The following SLC26A8 variants were observed in gnomAD, a reference collection of about 807,000 sequenced individuals.
SLC26A8 encodes testis anion transporter 1.
Under a neutral mutation model 105.0 loss-of-function variants are expected in SLC26A8, and 70 were observed. The observed-to-expected ratio is 0.67, with a 90% confidence interval of 0.55 to 0.81. The LOEUF is 0.81. Among genes scored for constraint, SLC26A8 ranks in the 40% least tolerant of loss-of-function variants. The pLI is 0.00. For missense variants in SLC26A8, 998 were observed against 1,181.8 expected, an observed-to-expected ratio of 0.84 and a Z score of 2.28; for synonymous variants, 415 against 438.3, an observed-to-expected ratio of 0.95 and a Z score of 0.66.
At chr6:36,004,448 T>G (rs1048069253) in intron 3 of SLC26A8, among the ~76,000 whole-genome samples, 6 of 152,180 alleles carry the variant, frequency 3.9e-5, no homozygotes, top group Admixed American at 1.3e-4. Flanking sequence ...TTGTTTTTCT[T>G]TTTTTATGCC....
chr6:36,003,281 A>G (rs1761579074), intron 3 of SLC26A8, among the ~76,000 whole-genome samples: 1 of 152,176 alleles, frequency 6.6e-6, no homozygotes, highest in East Asian at 1.9e-4. Flanking sequence ...TAGAGACCCA[A>G]GTGTTTTACA....
chr6:35,965,881 C>A (rs1463919081), intron 11 of SLC26A8, among the ~76,000 whole-genome samples: 1 of 150,924 alleles, frequency 6.6e-6, no homozygotes, highest in Non-Finnish European at 1.5e-5. Flanking sequence ...ATCCCAGCTA[C>A]TCAGGAGGCT....
At chr6:36,023,257 G>A (rs887191274) in intron 1 of SLC26A8, among the ~76,000 whole-genome samples, 3 of 151,614 alleles carry the variant, frequency 2.0e-5, no homozygotes, top group African/African-American at 7.3e-5. Context: ...TAAAAGTAAA[G>A]AATAGGCCAG....
chr6:35,989,078 G>A (rs1773648752), intron 7 of SLC26A8, among the ~76,000 whole-genome samples: 1 of 151,968 alleles, frequency 6.6e-6, no homozygotes, highest in Non-Finnish European at 1.5e-5. Flanking sequence ...CTAACCTCGT[G>A]ATCCACCCAC....
At chr6:36,008,212 T>G (rs1761749142) in intron 3 of SLC26A8, among the ~76,000 whole-genome samples, 1 of 151,824 alleles carries the variant, frequency 6.6e-6, no homozygotes, top group Non-Finnish European at 1.5e-5. Flanking sequence ...AGAGGATGCT[T>G]GAGGCCAGGA....
In SLC26A8 at chr6:35,960,843, CT is replaced by C. The variant is rs1772279909; in HGVS notation, c.1637del (p.Glu546GlyfsTer8). 1 of 1,613,968 alleles carries C rather than the reference CT, an allele frequency of 6.2e-7. No homozygotes were observed. Among genetic ancestry groups the C allele is most frequent in the African/African-American group, 1.3e-5 (1 of 74,922 alleles). ...NIYRSINDYREIITIPGVKIF... is the reference protein window; with the variant it reads ...NIYRSINDYRXIITIPGVKIF... ...AAATGGGACCCATTTGGATTCTTAC[CT>C]CCCGATAATCATTGATGCTTCTATA... On this transcript the variant is annotated frameshift_variant and splice_region_variant, in exon 14 of 20. Coordinates refer to ENST00000490799, the MANE Select transcript of SLC26A8 (RefSeq NM_052961.4). LOFTEE classifies it high-confidence loss of function.
At chr6:36,019,739 G>T in intron 1 of SLC26A8, 30 bp from the exon 2 acceptor site, 2 of 1,567,698 alleles carry the variant, frequency 1.3e-6, no homozygotes, top group South Asian at 2.4e-5. Context: ...GCAAATAAAA[G>T]AGCATTTTCA....
rs1189110360 is a variant in SLC26A8, at chr6:35,984,304, TTTC to T, written c.943-2104_943-2102del. Among the ~76,000 whole-genome samples the T allele has an allele frequency of 1.4e-3, 199 of 144,476 alleles. 4 individuals are homozygous for T. The highest frequency in any genetic ancestry group is 8.8e-3 in the Admixed American group (116 of 13,164). The allele number at this position is 144,476 out of a possible 152,430, so 94.8% of individuals were successfully genotyped here. ...AAGGAATATATTCTTCTTTTCTTTC[TTTC>T]TTCTTCTTCTTATTTTTTTTTTTTT... On this transcript the variant is annotated intron_variant, in intron 7 of 19. Coordinates refer to ENST00000490799, the MANE Select transcript of SLC26A8 (RefSeq NM_052961.4).
intron 4 of SLC26A8, among the ~76,000 whole-genome samples, chr6:35,998,839 G>A (rs1562060438): frequency 6.6e-6 from 1 of 152,136 alleles, no homozygotes; most frequent in Non-Finnish European, 1.5e-5. Context: ...GTGTTCAAAT[G>A]TAAAATCAAC....
At chr6:36,007,800 AAC>A (rs895875302) in intron 3 of SLC26A8, among the ~76,000 whole-genome samples, 11 of 152,140 alleles carry the variant, frequency 7.2e-5, no homozygotes, top group African/African-American at 2.7e-4. Flanking sequence ...AAGGTGCAAA[AAC>A]AATTCACTGG....
chr6:35,955,565 A>G, intron 16 of SLC26A8, 45 bp from the exon 17 acceptor site: 1 of 1,591,148 alleles, frequency 6.3e-7, no homozygotes, highest in Non-Finnish European at 8.6e-7. Flanking sequence ...GACACCAACA[A>G]GGGCCGGAAG....
intron 3 of SLC26A8, among the ~76,000 whole-genome samples, chr6:36,003,725 A>C (rs553673821): frequency 6.6e-6 from 1 of 150,506 alleles, no homozygotes; most frequent in Non-Finnish European, 1.5e-5. Context: ...GCAGTGGCAC[A>C]ATCTTGGCTC....
chr6:36,002,373 G>A (rs956943386), intron 3 of SLC26A8, among the ~76,000 whole-genome samples: 7 of 152,104 alleles, frequency 4.6e-5, no homozygotes, highest in Non-Finnish European at 8.8e-5. Context: ...GGATTTACAA[G>A]TTTCTTGAGA....
chr6:35,989,931 T>TA, intron 7 of SLC26A8: 1 of 28,068 alleles, frequency 3.6e-5, no homozygotes, highest in East Asian at 7.2e-4. Flanking sequence ...TCTTTTCTTT[T>TA]TTTTTTTTTT....
At chr6:35,970,751 C>T (rs1013620459) in intron 10 of SLC26A8, among the ~76,000 whole-genome samples, 5 of 152,100 alleles carry the variant, frequency 3.3e-5, no homozygotes, top group Admixed American at 3.3e-4. Flanking sequence ...TTAGGCCAGG[C>T]GTGGTGGCTC....
chr6:35,951,032 A>C, intron 19 of SLC26A8, 131 bp downstream of exon 19: 1 of 912,912 alleles, frequency 1.1e-6, no homozygotes, highest in South Asian at 1.7e-5. Flanking sequence ...AGCCATACTA[A>C]ATACCTTTCC....
At chr6:35,978,345 A>T (rs1773127141) in intron 8 of SLC26A8, among the ~76,000 whole-genome samples, 1 of 152,076 alleles carries the variant, frequency 6.6e-6, no homozygotes. Flanking sequence ...AAAAATCTTG[A>T]TGATTTGGGG....
intron 3 of SLC26A8, among the ~76,000 whole-genome samples, chr6:36,010,373 T>C (rs937105944): frequency 2.6e-5 from 4 of 152,128 alleles, no homozygotes; most frequent in African/African-American, 4.8e-5. Flanking sequence ...TATGATGTGC[T>C]CAAAAAGACA....
At chr6:35,985,421 A>G (rs1249240941) in intron 7 of SLC26A8, among the ~76,000 whole-genome samples, 11 of 152,120 alleles carry the variant, frequency 7.2e-5, no homozygotes, top group South Asian at 4.1e-4. Context: ...AGGGCTGGGC[A>G]TGGTGGCTCA....
Sources: gnomAD v4.1 joint callset for allele counts (sites outside exome capture counted in the v4.1 genomes callset) on GRCh38, gnomAD v4.1.1 for gene constraint, MANE v1.5 for transcripts, NCBI Gene and HGNC (gene_info 2026-07-23, HGNC 2026-07-21) for gene names.